Variants in PARD3B observed in about 807,000 individuals in gnomAD.
PARD3B encodes partitioning defective 3 homolog B.
PARD3B carries 103 observed loss-of-function variants against 130.2 expected under a neutral mutation model. The observed-to-expected ratio is 0.79, with a 90% CI of 0.67 to 0.93. The LOEUF is 0.93. PARD3B is among the 40% of genes least tolerant of loss of function. PARD3B has a pLI of 0.00. For synonymous variants in PARD3B, 583 were observed against 553.2 expected (o/e 1.05, Z -0.76); for missense variants, 1,609 against 1,499.2 (o/e 1.07, Z -1.21).
intron 1 of PARD3B, among the ~76,000 whole-genome samples, chr2:204,650,115 A>G (rs2035428047): frequency 6.6e-6 from 1 of 152,246 alleles, no homozygotes; most frequent in African/African-American, 2.4e-5. Context: ...ACACTTTTCA[A>G]AAGAAGATAT....
At chr2:205,164,440 C>T (rs1163260470) in intron 11 of PARD3B, among the ~76,000 whole-genome samples, 1 of 152,068 alleles carries the variant, frequency 6.6e-6, no homozygotes, top group Non-Finnish European at 1.5e-5. Flanking sequence ...TGCTCTAGGC[C>T]TGGGCAACAC....
intron 2 of PARD3B, among the ~76,000 whole-genome samples, chr2:204,816,068 A>G (rs980774848): frequency 1.3e-5 from 2 of 151,910 alleles, no homozygotes; most frequent in African/African-American, 4.8e-5. Context: ...TTACTATGTT[A>G]GTGGTTGCTG....
intron 2 of PARD3B, among the ~76,000 whole-genome samples, chr2:204,817,577 A>T (rs1172426839): frequency 6.6e-6 from 1 of 152,092 alleles, no homozygotes; most frequent in African/African-American, 2.4e-5. Flanking sequence ...AATCCATTCA[A>T]GTAGTTTTCT....
At chr2:205,293,534 G>A (rs2041685428) in intron 16 of PARD3B, 1 of 152,064 alleles carries the variant, frequency 6.6e-6, no homozygotes, top group South Asian at 2.1e-4. Context: ...GCACACATGA[G>A]GTGGAAATGG....
At chr2:204,819,433 G>T (rs1212106428) in intron 2 of PARD3B, among the ~76,000 whole-genome samples, 1 of 152,148 alleles carries the variant, frequency 6.6e-6, no homozygotes, top group Non-Finnish European at 1.5e-5. Context: ...CATGTGTTCT[G>T]ACTACTCCAC....
At chr2:204,854,044 G>C (rs561280460) in intron 2 of PARD3B, among the ~76,000 whole-genome samples, 1 of 152,220 alleles carries the variant, frequency 6.6e-6, no homozygotes, top group East Asian at 1.9e-4. Context: ...TTTTGGTAGA[G>C]AGAGGAGCAT....
At chr2:204,707,343 T>C (rs1211983869) in intron 2 of PARD3B, among the ~76,000 whole-genome samples, 1 of 152,232 alleles carries the variant, frequency 6.6e-6, no homozygotes, top group African/African-American at 2.4e-5. Context: ...GATCCAAGGG[T>C]TAAGCAAGAT....
In PARD3B at chr2:205,311,753, A is replaced by G. The variant is rs566237560; in HGVS notation, c.2630+10052A>G. On this transcript the variant is annotated intron_variant, in intron 18 of 22. Coordinates refer to ENST00000406610, the MANE Select transcript of PARD3B (RefSeq NM_001302769.2). ...CTTTGGGTCACCCCTTTCTCAATGTAACCATGAACTGTTTTCAAAGGTTAT... is the reference window on the plus strand; with the variant it reads ...CTTTGGGTCACCCCTTTCTCAATGTGACCATGAACTGTTTTCAAAGGTTAT... Among the ~76,000 whole-genome samples, 15 of 152,382 alleles carry G rather than the reference A, an allele frequency of 9.8e-5. No homozygotes were observed. The South Asian group carries it at 3.1e-3, about 32-fold the overall frequency.
Position 205,268,321 on chromosome 2 carries a change from G to T in PARD3B, c.2185+22499G>T, listed in dbSNP as rs557685713. 3.3e-5 allele frequency among the ~76,000 whole-genome samples: 5 copies of T among 152,338 alleles called. No individual in the cohort carries two copies. In the South Asian group the frequency reaches 1.0e-3, roughly 32 times the overall value. ...GCTCACTCATATAATTGGTTTTTGA[G>T]AACGGTTCCAATATATTGGGAGAAA... On this transcript the variant is annotated intron_variant, in intron 16 of 22. Transcript: ENST00000406610. The surrounding 1 kb of genome is among the most constrained non-coding windows in gnomAD (Gnocchi z 4.1).
chr2:205,190,989 G>A (rs2036362616), intron 14 of PARD3B, among the ~76,000 whole-genome samples: 1 of 147,922 alleles, frequency 6.8e-6, no homozygotes, highest in South Asian at 2.2e-4. Context: ...GGCATATTTT[G>A]TCATTACTAG....
chr2:205,109,981 G>T (rs116380804), intron 5 of PARD3B, among the ~76,000 whole-genome samples: 7 of 151,920 alleles, frequency 4.6e-5, no homozygotes, highest in Non-Finnish European at 8.8e-5. Context: ...AATGTTCTCC[G>T]TGTGCAAATG....
At chr2:204,711,438 C>A (rs973138752) in intron 2 of PARD3B, among the ~76,000 whole-genome samples, 4 of 152,126 alleles carry the variant, frequency 2.6e-5, no homozygotes, top group Non-Finnish European at 5.9e-5. Flanking sequence ...TAATATCTAA[C>A]AGCTACTAAT....
At chr2:204,833,858 A>C (rs544707371) in intron 2 of PARD3B, among the ~76,000 whole-genome samples, 2 of 152,214 alleles carry the variant, frequency 1.3e-5, no homozygotes, top group South Asian at 4.1e-4. Flanking sequence ...CTTGAAATAA[A>C]GTCCAGGGCC....
chr2:204,591,668 A>T (rs1410329293), intron 1 of PARD3B, among the ~76,000 whole-genome samples: 1 of 152,216 alleles, frequency 6.6e-6, no homozygotes, highest in Non-Finnish European at 1.5e-5. Flanking sequence ...AATGGTATGT[A>T]CAAGTGTCAG....
intron 1 of PARD3B, among the ~76,000 whole-genome samples, chr2:204,633,758 G>A (rs956552570): frequency 1.3e-5 from 2 of 152,162 alleles, no homozygotes; most frequent in African/African-American, 2.4e-5. Context: ...GTTGCAGTGA[G>A]CTGAGATCAT....
At chr2:205,398,959 C>A (rs1302467556) in intron 18 of PARD3B, among the ~76,000 whole-genome samples, 1 of 152,094 alleles carries the variant, frequency 6.6e-6, no homozygotes, top group Non-Finnish European at 1.5e-5. Flanking sequence ...CCGGCCCATA[C>A]ATGTATAATT....
At chr2:205,520,921 T>A (rs1418387639) in intron 21 of PARD3B, among the ~76,000 whole-genome samples, 2 of 151,896 alleles carry the variant, frequency 1.3e-5, no homozygotes, top group Non-Finnish European at 2.9e-5. Context: ...CATTGTTTCT[T>A]ATCATAAGTA....
chr2:205,218,786 A>T (rs974001251), intron 15 of PARD3B, among the ~76,000 whole-genome samples: 2 of 152,134 alleles, frequency 1.3e-5, no homozygotes, highest in Non-Finnish European at 2.9e-5. Context: ...GATTTTAAAA[A>T]TTACTGCCTG....
At chr2:204,854,716 T>A (rs971202453) in intron 2 of PARD3B, among the ~76,000 whole-genome samples, 1 of 152,068 alleles carries the variant, frequency 6.6e-6, no homozygotes, top group African/African-American at 2.4e-5. Context: ...ATAGTTCTAG[T>A]CAAAAAGAAC....
Sources: allele counts gnomAD v4.1 joint callset (sites outside exome capture counted in the v4.1 genomes callset), GRCh38; gene constraint gnomAD v4.1.1; non-coding constraint Gnocchi (gnomAD v3.1); transcripts MANE v1.5; gene names NCBI Gene and HGNC (gene_info 2026-07-23, HGNC 2026-07-21).